The following C1orf87 variants were observed in gnomAD, a reference collection of about 807,000 sequenced individuals.
C1orf87 encodes chromosome 1 open reading frame 87.
Under a neutral mutation model 60.5 loss-of-function variants are expected in C1orf87, and 58 were observed. The observed-to-expected ratio is 0.96, with a 90% CI of 0.78 to 1.19. The LOEUF (loss-of-function observed/expected upper bound fraction) is 1.19. Among genes scored for constraint, C1orf87 ranks in the 50% most tolerant of loss-of-function variants. The pLI, the probability that C1orf87 is intolerant of heterozygous loss-of-function variation, is 0.00. For synonymous variants in C1orf87, 236 were observed against 227.4 expected (o/e 1.04, Z -0.34); for missense variants, 673 against 638.6 (o/e 1.05, Z -0.58).
At chr1:60,055,046 A>C (rs566167803) in intron 3 of C1orf87, among the ~76,000 whole-genome samples, 158 bp downstream of exon 3, 2 of 152,296 alleles carry the variant, frequency 1.3e-5, no homozygotes, top group African/African-American at 4.8e-5. Context: ...ATGACCCTGA[A>C]GTTCATTTTC....
At chr1:60,068,995 T>C (rs757267247) in intron 2 of C1orf87, among the ~76,000 whole-genome samples, 2 of 152,228 alleles carry the variant, frequency 1.3e-5, no homozygotes, top group Non-Finnish European at 2.9e-5. Flanking sequence ...GGCAGCCATG[T>C]CACTCTAATT....
At chr1:60,066,611 G>A (rs543388406) in intron 2 of C1orf87, among the ~76,000 whole-genome samples, 133 of 152,042 alleles carry the variant, frequency 8.7e-4, no homozygotes, top group Non-Finnish European at 1.2e-3. Flanking sequence ...ATCCATGAGG[G>A]TTGGAATCAA....
rs149969495 is a variant in C1orf87, at chr1:60,016,503, A to T, written c.1128-6047T>A. Reference sequence around the variant, plus strand: ...CCTTTCAGTTAACTGGGAGAAGTACAGCCCTTCCCTGATATAGAGGCAATA... The same window carrying T: ...CCTTTCAGTTAACTGGGAGAAGTACTGCCCTTCCCTGATATAGAGGCAATA... On this transcript the variant is annotated intron_variant, in intron 8 of 11. Transcript: ENST00000371201. 2.2e-3 allele frequency among the ~76,000 whole-genome samples: 331 copies of T among 152,350 alleles called. 1 individual carries two copies. Among genetic ancestry groups the T allele is most frequent in the African/African-American group, 7.5e-3 (312 of 41,590 alleles).
chr1:60,006,751 A>T (rs922497225), intron 9 of C1orf87, among the ~76,000 whole-genome samples: 1 of 151,930 alleles, frequency 6.6e-6, no homozygotes, highest in African/African-American at 2.4e-5. Flanking sequence ...TCTTAATGGG[A>T]GTTCATCATA....
chr1:60,051,629 T>C (rs1400886419), intron 3 of C1orf87, among the ~76,000 whole-genome samples: 1 of 152,124 alleles, frequency 6.6e-6, no homozygotes, highest in Non-Finnish European at 1.5e-5. Flanking sequence ...TATAAACCAC[T>C]GAGTTGTGGG....
chr1:60,036,114 G>A (rs906496209), intron 6 of C1orf87, among the ~76,000 whole-genome samples: 3 of 152,150 alleles, frequency 2.0e-5, no homozygotes, highest in Non-Finnish European at 2.9e-5. Flanking sequence ...CAGTAAGACA[G>A]TTGCTCCCAG....
intron 3 of C1orf87, among the ~76,000 whole-genome samples, chr1:60,051,912 G>A (rs895508823): frequency 2.6e-5 from 4 of 152,214 alleles, no homozygotes; most frequent in Non-Finnish European, 5.9e-5. Context: ...GTGCAATTGA[G>A]AGAGGGGTGA....
chr1:60,019,114 C>G (rs759977023), intron 8 of C1orf87, among the ~76,000 whole-genome samples: 3 of 152,178 alleles, frequency 2.0e-5, no homozygotes, highest in Non-Finnish European at 2.9e-5. Context: ...CCACCCAAAT[C>G]TAATGTCAAA....
intron 2 of C1orf87, among the ~76,000 whole-genome samples, chr1:60,068,781 T>C (rs1645565480): frequency 6.6e-6 from 1 of 152,210 alleles, no homozygotes; most frequent in African/African-American, 2.4e-5. Flanking sequence ...TTGGCAGGGA[T>C]TGTCCACAAG....
intron 8 of C1orf87, 126 bp downstream of exon 8, chr1:60,025,275 T>A (rs1645191208): frequency 2.9e-6 from 2 of 690,960 alleles, no homozygotes. Flanking sequence ...TATGACATCA[T>A]CTAAACCTAA....
chr1:60,027,847 T>A (rs1645210613), intron 7 of C1orf87, among the ~76,000 whole-genome samples: 1 of 152,174 alleles, frequency 6.6e-6, no homozygotes, highest in Admixed American at 6.5e-5. Context: ...ACGGTGCTTT[T>A]TAGAAGCAGC....
At chr1:60,016,448 T>G (rs1055599246) in intron 8 of C1orf87, among the ~76,000 whole-genome samples, 3 of 152,248 alleles carry the variant, frequency 2.0e-5, no homozygotes, top group Non-Finnish European at 4.4e-5. Context: ...TTTAACCTTC[T>G]TGTTCATGTA....
chr1:60,063,371 A>C (rs1645509964), intron 2 of C1orf87, among the ~76,000 whole-genome samples: 1 of 152,152 alleles, frequency 6.6e-6, no homozygotes, highest in African/African-American at 2.4e-5. Flanking sequence ...ATAACTCTCC[A>C]AATGTTTTCT....
intron 4 of C1orf87, among the ~76,000 whole-genome samples, chr1:60,040,562 T>C (rs907951579): frequency 6.6e-6 from 1 of 152,158 alleles, no homozygotes; most frequent in African/African-American, 2.4e-5. Context: ...GTCTAGACCC[T>C]GACTGAGTTA....
At chr1:60,038,178 AATGT>A (rs1645291965) in intron 5 of C1orf87, 71 bp from the exon 6 acceptor site, 1 of 924,178 alleles carries the variant, frequency 1.1e-6, no homozygotes, top group African/African-American at 1.6e-5. Flanking sequence ...GTTGAGATAA[AATGT>A]ATTTGGCAAA....
intron 8 of C1orf87, among the ~76,000 whole-genome samples, chr1:60,024,777 C>T (rs1010940874): frequency 6.6e-6 from 1 of 152,138 alleles, no homozygotes; most frequent in African/African-American, 2.4e-5. Flanking sequence ...TTCTGTGCTG[C>T]TTGCCGTTCG....
chr1:59,991,953 G>A (rs1193359775), intron 11 of C1orf87, among the ~76,000 whole-genome samples: 2 of 152,038 alleles, frequency 1.3e-5, no homozygotes, highest in Non-Finnish European at 2.9e-5. Flanking sequence ...TGCTACCTCT[G>A]GAAGTTCTCT....
intron 2 of C1orf87, among the ~76,000 whole-genome samples, chr1:60,059,143 G>C (rs150764610): frequency 6.6e-6 from 1 of 152,250 alleles, no homozygotes; most frequent in African/African-American, 2.4e-5. Context: ...GCTGAGAAAC[G>C]GCATGTGTCT....
chr1:60,029,122 A>G (rs1478618018), intron 7 of C1orf87, among the ~76,000 whole-genome samples: 2 of 152,016 alleles, frequency 1.3e-5, no homozygotes, highest in African/African-American at 2.4e-5. Flanking sequence ...TCTGTTTCCT[A>G]TCTCAGAGAA....
Sources: allele counts gnomAD v4.1 joint callset (sites outside exome capture counted in the v4.1 genomes callset), GRCh38; gene constraint gnomAD v4.1.1; transcripts MANE v1.5; gene names NCBI Gene and HGNC (gene_info 2026-07-23, HGNC 2026-07-21).